Variants in MDH1B observed in about 807,000 individuals in gnomAD.
The protein encoded by MDH1B is malate dehydrogenase 1B.
MDH1B carries 60 observed loss-of-function variants against 61.4 expected under a neutral mutation model. The ratio of observed to expected loss-of-function variants is 0.98; its 90% CI spans 0.79 to 1.21. MDH1B has a LOEUF of 1.21. MDH1B is among the 50% of genes most tolerant of loss of function. The pLI is 0.00. For missense variants in MDH1B, 587 were observed against 632.1 expected, an observed-to-expected ratio of 0.93 and a Z score of 0.76; for synonymous variants, 236 against 218.7, an observed-to-expected ratio of 1.08 and a Z score of -0.70.
chr2:206,747,192 A>G (rs1211542884), intron 7 of MDH1B, among the ~76,000 whole-genome samples: 9 of 152,170 alleles, frequency 5.9e-5, no homozygotes, highest in Admixed American at 4.6e-4. Flanking sequence ...ACAACAAAAC[A>G]TTGAGGACAT....
chr2:206,741,016 T>C (rs1291560084), intron 10 of MDH1B, 38 bp downstream of exon 10: 3 of 1,611,934 alleles, frequency 1.9e-6, no homozygotes, highest in Non-Finnish European at 2.5e-6. Context: ...TCACGACTAT[T>C]AGCAATATAG....
chr2:206,739,089 G>A (rs1423943355), intron 11 of MDH1B, among the ~76,000 whole-genome samples: 1 of 152,128 alleles, frequency 6.6e-6, no homozygotes, highest in East Asian at 1.9e-4. Context: ...TTGAGGGAAG[G>A]ATTTAATGAA....
intron 11 of MDH1B, among the ~76,000 whole-genome samples, chr2:206,738,843 T>C (rs774173937): frequency 6.6e-6 from 1 of 152,204 alleles, no homozygotes; most frequent in Non-Finnish European, 1.5e-5. Context: ...GTACCAATTC[T>C]AATTCCCCCT....
intron 1 of MDH1B, among the ~76,000 whole-genome samples, chr2:206,761,383 T>G (rs1445559094): frequency 4.6e-5 from 7 of 152,148 alleles, no homozygotes; most frequent in Admixed American, 3.9e-4. Flanking sequence ...AAGGTAAAGT[T>G]TGAAGTGAGG....
intron 10 of MDH1B, 140 bp downstream of exon 10, chr2:206,740,914 T>C: frequency 8.5e-7 from 1 of 1,170,000 alleles, no homozygotes; most frequent in Middle Eastern, 2.2e-4. Context: ...CATTTCAAAG[T>C]GTTTGTGAAG....
intron 10 of MDH1B, 37 bp downstream of exon 10, chr2:206,741,016 TA>T: frequency 1.2e-6 from 2 of 1,612,052 alleles, no homozygotes; most frequent in Non-Finnish European, 8.5e-7. Flanking sequence ...TCACGACTAT[TA>T]GCAATATAGA....
At chr2:206,755,915 C>CT (rs34981283) in intron 4 of MDH1B, among the ~76,000 whole-genome samples, 3,985 of 140,718 alleles carry the variant, frequency 0.028, 82 homozygotes, top group Middle Eastern at 0.066. Flanking sequence ...ACAATAATGA[C>CT]TTTTTTTTTT....
rs182536462 is a variant in MDH1B, at chr2:206,757,488, T to C, written c.136-117A>G. On this transcript the variant is annotated intron_variant, in intron 2 of 11. Transcript: ENST00000374412. ...TGCTTTTAATGTCACTATATACACA[T>C]AATATAATTTAGATATCTTCAAAGA... is the stretch of plus-strand genomic sequence containing the variant. 214 of 769,832 alleles carry C rather than the reference T, an allele frequency of 2.8e-4. 1 individual carries two copies. The highest frequency in any genetic ancestry group is 2.6e-5 in the Non-Finnish European group (13 of 506,018). The allele number at this position is 769,832 out of a possible 1,614,324, so 47.7% of individuals were successfully genotyped here.
chr2:206,756,435 A>T (rs1401920434), intron 4 of MDH1B, among the ~76,000 whole-genome samples: 2 of 152,126 alleles, frequency 1.3e-5, no homozygotes, highest in African/African-American at 4.8e-5. Flanking sequence ...AGAAAGAGAG[A>T]GAGTATGACA....
Position 206,738,166 on chromosome 2 carries a change from G to C in MDH1B, c.*317C>G, listed in dbSNP as rs2287633. The C allele has an allele frequency of 4.3e-5, 9 of 210,288 alleles. No homozygotes were observed. Among genetic ancestry groups the C allele is most frequent in the African/African-American group, 2.1e-4 (9 of 43,418 alleles). The allele number at this position is 210,288 out of a possible 1,614,324, so 13.0% of individuals were successfully genotyped here. A position where few individuals can be genotyped will look rare whatever the true frequency, so the allele number is the denominator to read the frequency against. Reference sequence around the variant, plus strand: ...AGGTATGGCTGATGGAAGGAAGCAGGTTCTCTCAGAAGATGTATGGGCAGA... The same window carrying C: ...AGGTATGGCTGATGGAAGGAAGCAGCTTCTCTCAGAAGATGTATGGGCAGA... On this transcript the variant is annotated 3_prime_UTR_variant, in exon 12 of 12. Transcript: ENST00000374412.
intron 4 of MDH1B, 130 bp from the exon 5 acceptor site, chr2:206,755,635 T>G (rs1688718351): frequency 7.9e-6 from 9 of 1,144,162 alleles, no homozygotes; most frequent in Non-Finnish European, 1.1e-5. Flanking sequence ...CACACATAGC[T>G]GCCCTGACAT....
chr2:206,742,278 G>A (rs1366490905), intron 9 of MDH1B, among the ~76,000 whole-genome samples: 1 of 152,202 alleles, frequency 6.6e-6, no homozygotes, highest in Non-Finnish European at 1.5e-5. Context: ...AGCCTTGCCA[G>A]GTGTCTCCTG....
At chr2:206,753,201 G>C (rs906617287) in intron 5 of MDH1B, among the ~76,000 whole-genome samples, 2 of 152,178 alleles carry the variant, frequency 1.3e-5, no homozygotes, top group Non-Finnish European at 2.9e-5. Flanking sequence ...ACCACCGTTT[G>C]AGCCCCAGCA....
chr2:206,755,770 T>C (rs1017139156), intron 4 of MDH1B, among the ~76,000 whole-genome samples: 4 of 152,158 alleles, frequency 2.6e-5, no homozygotes, highest in Admixed American at 6.5e-5. Context: ...GAAAACAGAA[T>C]TCCCCCTATG....
chr2:206,739,580 G>A lies in MDH1B; in HGVS notation c.1528+13C>T. 1 of 1,610,744 alleles carries A rather than the reference G, an allele frequency of 6.2e-7. No homozygotes were observed. Among genetic ancestry groups the A allele is most frequent in the Non-Finnish European group, 8.5e-7 (1 of 1,177,090 alleles). On this transcript the variant is annotated intron_variant, in intron 11 of 11. Transcript: ENST00000374412. ...ATAAGAAAATACTAGTTAATGTTTT[G>A]TCTACCACCTACCATTTAGGAACTC...
intron 2 of MDH1B, among the ~76,000 whole-genome samples, chr2:206,760,600 C>G (rs1689033268): frequency 6.6e-6 from 1 of 152,130 alleles, no homozygotes; most frequent in African/African-American, 2.4e-5. Context: ...CATTGGAAAT[C>G]AATACCAAGG....
intron 8 of MDH1B, 24 bp downstream of exon 8, chr2:206,746,263 C>G: frequency 6.2e-7 from 1 of 1,600,882 alleles, no homozygotes; most frequent in South Asian, 1.1e-5. Flanking sequence ...AAGGTCAGTC[C>G]CCTTGCATCT....
intron 8 of MDH1B, among the ~76,000 whole-genome samples, chr2:206,745,978 C>T (rs552707830): frequency 6.6e-6 from 1 of 152,122 alleles, no homozygotes; most frequent in Non-Finnish European, 1.5e-5. Context: ...AGGTGATCCA[C>T]CCACCTCGAC....
chr2:206,746,609 GC>G (rs1429711116), intron 7 of MDH1B, among the ~76,000 whole-genome samples, 183 bp from the exon 8 acceptor site: 36 of 152,212 alleles, frequency 2.4e-4, no homozygotes, highest in Admixed American at 2.0e-4. Context: ...GATTGACTGA[GC>G]GACTATCCAA....
Sources: allele counts gnomAD v4.1 joint callset (sites outside exome capture counted in the v4.1 genomes callset), GRCh38; gene constraint gnomAD v4.1.1; transcripts MANE v1.5; gene names NCBI Gene and HGNC (gene_info 2026-07-23, HGNC 2026-07-21).